The following PLB1 variants were observed in gnomAD, a reference collection of about 807,000 sequenced individuals.
The protein encoded by PLB1 is phospholipase B1, also known as phospholipase B1, membrane-associated.
PLB1 carries 242 observed loss-of-function variants against 227.4 expected under a neutral mutation model. That is an observed-to-expected ratio of 1.06 (90% CI 0.96 to 1.18). The LOEUF (loss-of-function observed/expected upper bound fraction) is 1.18, where lower values mean the gene tolerates loss of function less well. Ranked by LOEUF, PLB1 falls within the 50% of genes most tolerant of loss-of-function variation. PLB1 has a pLI of 0.00. For missense variants in PLB1, 1,858 were observed against 1,816.3 expected, an observed-to-expected ratio of 1.02 and a Z score of -0.42; for synonymous variants, 757 against 682.2, an observed-to-expected ratio of 1.11 and a Z score of -1.71.
chr2:28,548,671 T>C (rs1173978002), intron 14 of PLB1, 189 bp from the exon 15 acceptor site: 1 of 653,046 alleles, frequency 1.5e-6, no homozygotes, highest in African/African-American at 1.8e-5. Context: ...GGAGAGCTGC[T>C]TACAACACAG....
At chr2:28,565,439 AAGCAGAAGG>A in intron 19 of PLB1, 86 bp downstream of exon 19, 1 of 1,244,008 alleles carries the variant, frequency 8.0e-7, no homozygotes, top group Non-Finnish European at 1.1e-6. Context: ...ACAACGCCTT[AAGCAGAAGG>A]GTGGGCCATT....
chr2:28,636,037 GTGTGTATGTATGTGTATGTGTGTA>G (rs1558975660), intron 56 of PLB1, among the ~76,000 whole-genome samples: 6 of 101,240 alleles, frequency 5.9e-5, no homozygotes, highest in Non-Finnish European at 9.4e-5. Context: ...GTATGTGTGT[GTGTGTATGTATGTGTATGTGTGTA>G]TGTATGTATG....
At chr2:28,542,175 G>A (rs542853430) in intron 13 of PLB1, among the ~76,000 whole-genome samples, 1 of 150,590 alleles carries the variant, frequency 6.6e-6, no homozygotes, top group Admixed American at 6.6e-5. Context: ...TGGGGAGGAG[G>A]CCTGGGCCAT....
chr2:28,513,849 A>G (rs1295020097), intron 1 of PLB1, among the ~76,000 whole-genome samples: 1 of 152,250 alleles, frequency 6.6e-6, no homozygotes, highest in Non-Finnish European at 1.5e-5. Flanking sequence ...CGGAGTCAGC[A>G]GTAAACTCTG....
intron 35 of PLB1, among the ~76,000 whole-genome samples, chr2:28,600,285 A>T (rs1683660349): frequency 6.6e-6 from 1 of 152,224 alleles, no homozygotes. Context: ...AACCATTTAG[A>T]TAAGTTTACA....
At chr2:28,517,870 C>CTTTTTTTT (rs751699033) in intron 2 of PLB1, among the ~76,000 whole-genome samples, 1 of 133,858 alleles carries the variant, frequency 7.5e-6, no homozygotes. Context: ...AGAACTTTCT[C>CTTTTTTTT]TTTTTTTTTT....
chr2:28,602,233 C>T (rs919155460), intron 38 of PLB1, among the ~76,000 whole-genome samples: 3 of 152,216 alleles, frequency 2.0e-5, no homozygotes, highest in Admixed American at 2.0e-4. Flanking sequence ...AATGTCTCCC[C>T]ACTACTATCC....
intron 21 of PLB1, 26 bp downstream of exon 21, chr2:28,573,331 A>C: frequency 6.5e-7 from 1 of 1,546,882 alleles, no homozygotes; most frequent in Non-Finnish European, 8.9e-7. Context: ...CGGGGCGGTG[A>C]ACAGCACAGG....
chr2:28,519,581 A>G, intron 3 of PLB1, 124 bp from the exon 4 acceptor site: 1 of 697,178 alleles, frequency 1.4e-6, no homozygotes, highest in South Asian at 1.8e-5. Flanking sequence ...CATGGCCAAC[A>G]GACTGGACCT....
chr2:28,527,778 A>G (rs546320799), intron 6 of PLB1, among the ~76,000 whole-genome samples: 1 of 152,304 alleles, frequency 6.6e-6, no homozygotes, highest in Admixed American at 6.5e-5. Flanking sequence ...TGACTGGCAA[A>G]TTTACGTGAA....
At chr2:28,604,098 AAC>A in intron 40 of PLB1, 51 bp downstream of exon 40, 1 of 1,518,782 alleles carries the variant, frequency 6.6e-7, no homozygotes, top group Non-Finnish European at 9.1e-7. Context: ...CGTTCACTCT[AAC>A]ACACAGCCCA....
intron 6 of PLB1, among the ~76,000 whole-genome samples, chr2:28,528,514 G>A (rs947462302): frequency 6.6e-6 from 1 of 152,178 alleles, no homozygotes; most frequent in Non-Finnish European, 1.5e-5. Flanking sequence ...AAGGCAGCCC[G>A]AGTCCCTGTC....
intron 17 of PLB1, among the ~76,000 whole-genome samples, chr2:28,557,072 C>G (rs1210990030): frequency 1.3e-5 from 2 of 152,054 alleles, no homozygotes; most frequent in East Asian, 3.9e-4. Context: ...CTTGACCTAC[C>G]CTATCATCAG....
chr2:28,606,063 A>C, intron 42 of PLB1, 115 bp downstream of exon 42: 1 of 805,460 alleles, frequency 1.2e-6, no homozygotes, highest in Admixed American at 2.3e-5. Context: ...TGGTACATCT[A>C]TAAACGTCTA....
intron 47 of PLB1, 26 bp from the exon 48 acceptor site, chr2:28,620,574 T>G (rs1483235724): frequency 1.4e-5 from 22 of 1,604,170 alleles, no homozygotes; most frequent in Admixed American, 1.7e-5. Flanking sequence ...GGTGTGAGTT[T>G]AACAAATATG....
chr2:28,605,687 A>G (rs2148305794), intron 41 of PLB1, among the ~76,000 whole-genome samples, 166 bp from the exon 42 acceptor site: 1 of 152,280 alleles, frequency 6.6e-6, no homozygotes, highest in Middle Eastern at 3.4e-3. Flanking sequence ...TCTTTGTGGG[A>G]TCGCTCTGAT....
intron 25 of PLB1, among the ~76,000 whole-genome samples, chr2:28,583,601 A>G (rs1415389757): frequency 1.3e-5 from 2 of 152,184 alleles, no homozygotes; most frequent in African/African-American, 4.8e-5. Flanking sequence ...TTTATTCAGC[A>G]TCCCCAAAAA....
chr2:28,500,836 A>G (rs1311856368), intron 1 of PLB1, among the ~76,000 whole-genome samples: 3 of 152,224 alleles, frequency 2.0e-5, no homozygotes, highest in African/African-American at 7.2e-5. Flanking sequence ...TTTCATTTTG[A>G]TGCCAAAGTT....
chr2:28,593,733 A>C lies in PLB1; in HGVS notation c.2300A>C (p.Gln767Pro), dbSNP rs1174724751. The C allele has an allele frequency of 6.2e-7, 1 of 1,614,036 alleles. No homozygotes were observed. Among genetic ancestry groups the C allele is most frequent in the Non-Finnish European group, 8.5e-7 (1 of 1,179,950 alleles). ...KPDDLPDVTTQYRGLSYSAGG... is the reference protein window; with the variant it reads ...KPDDLPDVTTPYRGLSYSAGG... The stretch of plus-strand genomic sequence containing the variant: ...GACGACCTCCCCGATGTCACCACAC[A>C]GTATCGGGGACTGTCATACAGGTAA... Residue 767 changes from glutamine (Q) to proline (P), a missense_variant, in exon 33 of 58, where the codon CAG becomes CCG. Transcript: ENST00000327757.
Sources: allele counts gnomAD v4.1 joint callset (sites outside exome capture counted in the v4.1 genomes callset), GRCh38; gene constraint gnomAD v4.1.1; transcripts MANE v1.5; gene names NCBI Gene and HGNC (gene_info 2026-07-23, HGNC 2026-07-21).